ARNT2: variants seen among roughly 807,000 people sequenced by gnomAD.
ARNT2 encodes the protein aryl hydrocarbon receptor nuclear translocator 2.
In ARNT2, 36 loss-of-function variants were observed where a neutral mutation model predicts 91.7. That is an observed-to-expected ratio of 0.39 (90% CI 0.30 to 0.52). ARNT2 has a LOEUF of 0.52. Among genes scored for constraint, ARNT2 ranks in the 20% least tolerant of loss-of-function variants. The pLI, the probability that ARNT2 is intolerant of heterozygous loss-of-function variation, is 0.72. For synonymous variants in ARNT2, 365 were observed against 347.1 expected, an observed-to-expected ratio of 1.05 and a Z score of -0.57; for missense variants, 775 against 939.3, an observed-to-expected ratio of 0.83 and a Z score of 2.29.
intron 8 of ARNT2, among the ~76,000 whole-genome samples, chr15:80,535,665 A>G (rs1335889925): frequency 1.1e-4 from 17 of 151,978 alleles, no homozygotes. Flanking sequence ...TATGTGCTAC[A>G]AAGATTTCCG....
At chr15:80,496,765 G>C (rs1897130636) in intron 5 of ARNT2, among the ~76,000 whole-genome samples, 1 of 152,186 alleles carries the variant, frequency 6.6e-6, no homozygotes, top group African/African-American at 2.4e-5. Context: ...TAGGCTTGAG[G>C]GGTAGAATTA....
intron 11 of ARNT2, among the ~76,000 whole-genome samples, chr15:80,557,961 A>T (rs1898228180): frequency 6.6e-6 from 1 of 152,200 alleles, no homozygotes; most frequent in Non-Finnish European, 1.5e-5. Context: ...TCATAGCTTC[A>T]TGCTGTATGT....
rs922613638 is a variant in ARNT2 at position 80,404,408 on chromosome 15, T to TGGC, written c.-97_-95dup. The TGGC allele has an allele frequency of 5.9e-5, 38 of 649,326 alleles. No homozygotes were observed. The Admixed American group carries it at 1.5e-3, about 26-fold the overall frequency. The allele number at this position is 649,326 out of a possible 1,614,324, so 40.2% of individuals were successfully genotyped here. ...CCGCCCGCCCGCGCCGTCCTTTGTG[T>TGGC]GGCGGCGGCGGCGCCTGGGCCTGAC... On this transcript the variant is annotated 5_prime_UTR_variant, in exon 1 of 19. Transcript: ENST00000303329. The surrounding 1 kb of genome is among the most constrained non-coding windows in gnomAD (Gnocchi z 5.5).
chr15:80,512,976 C>T (rs1897366912), intron 6 of ARNT2, among the ~76,000 whole-genome samples: 2 of 152,218 alleles, frequency 1.3e-5, no homozygotes, highest in South Asian at 4.1e-4. Context: ...CAGAAAAGGG[C>T]AGAGGGCCAA....
intron 4 of ARNT2, among the ~76,000 whole-genome samples, chr15:80,474,220 G>C (rs573588257): frequency 2.6e-5 from 4 of 152,146 alleles, no homozygotes; most frequent in Non-Finnish European, 5.9e-5. Flanking sequence ...TAATATCAAG[G>C]CTTCCTGCTG....
intron 1 of ARNT2, among the ~76,000 whole-genome samples, chr15:80,425,230 G>A (rs1428963423): frequency 2.0e-5 from 3 of 152,210 alleles, no homozygotes; most frequent in Non-Finnish European, 2.9e-5. Flanking sequence ...GGATCCTAGA[G>A]TGTTGTGCAG....
chr15:80,495,748 T>G (rs1202222741), intron 5 of ARNT2, among the ~76,000 whole-genome samples: 1 of 152,170 alleles, frequency 6.6e-6, no homozygotes, highest in Non-Finnish European at 1.5e-5. Context: ...CTCCAGCCCC[T>G]CTCCCTGTGG....
intron 17 of ARNT2, among the ~76,000 whole-genome samples, chr15:80,590,140 C>T (rs1362427686): frequency 6.6e-6 from 1 of 152,168 alleles, no homozygotes; most frequent in Non-Finnish European, 1.5e-5. Context: ...ACGCAGTGCC[C>T]AGGCTGGGGG....
intron 2 of ARNT2, among the ~76,000 whole-genome samples, chr15:80,453,662 G>C (rs1157998112): frequency 6.6e-6 from 1 of 152,128 alleles, no homozygotes; most frequent in African/African-American, 2.4e-5. Flanking sequence ...TAACCCCATG[G>C]CAGGCCCCTG....
intron 17 of ARNT2, among the ~76,000 whole-genome samples, chr15:80,590,400 C>T (rs1893255244): frequency 6.6e-6 from 1 of 152,108 alleles, no homozygotes; most frequent in Non-Finnish European, 1.5e-5. Context: ...GACAAAATTC[C>T]ACTTACTGGA....
intron 5 of ARNT2, among the ~76,000 whole-genome samples, chr15:80,484,834 G>GT (rs1425654259): frequency 2.0e-5 from 3 of 152,206 alleles, no homozygotes; most frequent in African/African-American, 7.2e-5. Flanking sequence ...GCATAGGGGT[G>GT]TAGGGAGGCA....
At chr15:80,510,548 G>C (rs1897326558) in intron 6 of ARNT2, among the ~76,000 whole-genome samples, 1 of 152,026 alleles carries the variant, frequency 6.6e-6, no homozygotes, top group Admixed American at 6.6e-5. Flanking sequence ...AAGTCAAAAA[G>C]GGCCGGGTGA....
intron 9 of ARNT2, 122 bp from the exon 10 acceptor site, chr15:80,552,518 T>A (rs1898098974): frequency 7.8e-7 from 1 of 1,274,936 alleles, no homozygotes; most frequent in Non-Finnish European, 1.1e-6. Context: ...AGGGTCATCG[T>A]ACTAAATGAC....
At chr15:80,562,139 A>G (rs890332058) in intron 11 of ARNT2, among the ~76,000 whole-genome samples, 1 of 151,712 alleles carries the variant, frequency 6.6e-6, no homozygotes, top group African/African-American at 2.4e-5. Context: ...CAGTGACGCA[A>G]TGTCTGCTCA....
At chr15:80,446,901 A>G (rs989474182) in intron 1 of ARNT2, among the ~76,000 whole-genome samples, 4 of 152,168 alleles carry the variant, frequency 2.6e-5, no homozygotes, top group Non-Finnish European at 5.9e-5. Context: ...CACCAGTTAT[A>G]TATACTTTCT....
chr15:80,576,852 T>C lies in ARNT2; in HGVS notation c.1514-14T>C. On this transcript the variant is annotated splice_polypyrimidine_tract_variant and intron_variant, in intron 14 of 18. Transcript: ENST00000303329. Reference sequence around the variant, plus strand: ...GGGAACCTTCGCATGTGACTCCTGCTCTGGTTTTCCTAGCGGAGAAGAAGA... The same window carrying C: ...GGGAACCTTCGCATGTGACTCCTGCCCTGGTTTTCCTAGCGGAGAAGAAGA... 6.2e-7 allele frequency: 1 copy of C among 1,613,876 alleles called. No individual in the cohort carries two copies. The highest frequency in any genetic ancestry group is 8.5e-7 in the Non-Finnish European group (1 of 1,179,936).
intron 5 of ARNT2, among the ~76,000 whole-genome samples, chr15:80,507,431 C>T (rs1191644113): frequency 6.6e-6 from 1 of 152,120 alleles, no homozygotes; most frequent in Non-Finnish European, 1.5e-5. Flanking sequence ...ATGCAGATGG[C>T]AGTGCCCTTG....
chr15:80,496,895 A>C (rs1191580625), intron 5 of ARNT2, among the ~76,000 whole-genome samples: 2 of 152,250 alleles, frequency 1.3e-5, no homozygotes, highest in Non-Finnish European at 2.9e-5. Context: ...CTGTGCAGTC[A>C]TGACAGCTTA....
chr15:80,540,770 A>C (rs766672749), intron 8 of ARNT2, among the ~76,000 whole-genome samples: 6 of 152,150 alleles, frequency 3.9e-5, no homozygotes, highest in Non-Finnish European at 7.4e-5. Flanking sequence ...TTCCTGCATT[A>C]ATTCATTTAC....
Sources: gnomAD v4.1 joint callset for allele counts (sites outside exome capture counted in the v4.1 genomes callset) on GRCh38, gnomAD v4.1.1 for gene constraint, Gnocchi (gnomAD v3.1) non-coding constraint, MANE v1.5 for transcripts, NCBI Gene and HGNC (gene_info 2026-07-23, HGNC 2026-07-21) for gene names.